The following KIAA1328 variants were observed in gnomAD, a reference collection of about 807,000 sequenced individuals.
The protein encoded by KIAA1328 is KIAA1328, also known as protein hinderin.
A neutral mutation model predicts 68.1 loss-of-function variants in KIAA1328; 52 were observed. The observed-to-expected ratio is 0.76, with a 90% CI of 0.61 to 0.96. The LOEUF is 0.96. Ranked by LOEUF, KIAA1328 falls within the 40% of genes least tolerant of loss-of-function variation. KIAA1328 has a pLI of 0.00. For missense variants in KIAA1328, 641 were observed against 677.6 expected (o/e 0.95, Z 0.60); for synonymous variants, 232 against 239.4 (o/e 0.97, Z 0.28).
chr18:37,164,308 A>G (rs904443473), intron 8 of KIAA1328, among the ~76,000 whole-genome samples: 4 of 152,180 alleles, frequency 2.6e-5, no homozygotes, highest in African/African-American at 9.7e-5. Flanking sequence ...GTTTCCCCAA[A>G]ATAAGGACCT....
intron 9 of KIAA1328, among the ~76,000 whole-genome samples, chr18:37,221,472 C>T (rs898383814): frequency 1.3e-5 from 2 of 152,124 alleles, no homozygotes; most frequent in Admixed American, 6.5e-5. Flanking sequence ...GTGAAGATTT[C>T]GACAGACAGC....
intron 9 of KIAA1328, among the ~76,000 whole-genome samples, chr18:37,186,901 T>C (rs180677988): frequency 2.3e-3 from 354 of 152,262 alleles, no homozygotes; most frequent in Non-Finnish European, 3.4e-3. Flanking sequence ...TGGCCAGGCA[T>C]GGTGGCTGAC....
intron 5 of KIAA1328, among the ~76,000 whole-genome samples, chr18:36,889,422 C>T (rs2048606308): frequency 6.6e-6 from 1 of 152,162 alleles, no homozygotes; most frequent in African/African-American, 2.4e-5. Flanking sequence ...GAACATATGA[C>T]TCAGATCAAT....
chr18:37,008,417 A>G (rs2053857256), intron 6 of KIAA1328, among the ~76,000 whole-genome samples: 2 of 152,210 alleles, frequency 1.3e-5, no homozygotes, highest in African/African-American at 2.4e-5. Flanking sequence ...CAACAACAAA[A>G]TATGCTCTAT....
intron 5 of KIAA1328, among the ~76,000 whole-genome samples, chr18:36,949,882 C>G (rs1655047693): frequency 6.6e-6 from 1 of 152,076 alleles, no homozygotes; most frequent in Non-Finnish European, 1.5e-5. Flanking sequence ...TGAAAAATAA[C>G]ATGTTCATAC....
intron 6 of KIAA1328, among the ~76,000 whole-genome samples, chr18:37,044,654 G>T (rs1028593620): frequency 2.0e-5 from 3 of 151,916 alleles, no homozygotes; most frequent in Non-Finnish European, 4.4e-5. Flanking sequence ...AAAAAAATTA[G>T]CTGGGCATGG....
At chr18:36,959,585 T>G (rs2051572212) in intron 6 of KIAA1328, 150 bp downstream of exon 6, 1 of 832,160 alleles carries the variant, frequency 1.2e-6, no homozygotes, top group African/African-American at 1.8e-5. Context: ...TGTCTTTCCC[T>G]CCCCCTTTCC....
chr18:37,004,148 T>C (rs1217548225), intron 6 of KIAA1328, among the ~76,000 whole-genome samples: 1 of 152,132 alleles, frequency 6.6e-6, no homozygotes, highest in Non-Finnish European at 1.5e-5. Flanking sequence ...TTGATGGGAA[T>C]TGCATTGAAT....
rs1361210516 is a variant in KIAA1328, at chr18:36,870,571, G to T, written c.333-14986G>T. Reference sequence around the variant, plus strand: ...AGATATGCTGCGTATGTTTGGGTGGGATTTATTTCTTTTTAACTTTTTATT... The same window carrying T: ...AGATATGCTGCGTATGTTTGGGTGGTATTTATTTCTTTTTAACTTTTTATT... On this transcript the variant is annotated intron_variant, in intron 4 of 9. Coordinates refer to ENST00000280020, the MANE Select transcript of KIAA1328 (RefSeq NM_020776.3). 4.6e-5 allele frequency among the ~76,000 whole-genome samples: 7 copies of T among 152,090 alleles called. No individual in the cohort carries two copies. The East Asian group carries it at 1.3e-3, about 29-fold the overall frequency.
At position 37,206,941 on chromosome 18, in the gene KIAA1328, A is replaced by T. The variant is rs2060227324; in HGVS notation, c.1524-15076A>T. On this transcript the variant is annotated intron_variant, in intron 9 of 9. Coordinates refer to ENST00000280020, the MANE Select transcript of KIAA1328 (RefSeq NM_020776.3). ...CATCTGACCTTTGAGTACAATGCTGAATTCTTTTCCAAGCTACATTTTTAG... is the reference window on the plus strand; with the variant it reads ...CATCTGACCTTTGAGTACAATGCTGTATTCTTTTCCAAGCTACATTTTTAG... 2.6e-5 allele frequency among the ~76,000 whole-genome samples: 4 copies of T among 152,174 alleles called. 1 individual carries two copies. In the South Asian group the frequency reaches 8.3e-4, roughly 32 times the overall value.
intron 5 of KIAA1328, among the ~76,000 whole-genome samples, chr18:36,893,445 GTGTGTGTGTGTGTGTGTTTT>G (rs2048759571): frequency 7.2e-6 from 1 of 138,438 alleles, no homozygotes; most frequent in Non-Finnish European, 1.6e-5. Flanking sequence ...TTGTGTGTGT[GTGTGTGTGTGTGTGTGTTTT>G]TGTGTGTGTG....
At chr18:36,845,154 G>T (rs1393646540) in intron 4 of KIAA1328, among the ~76,000 whole-genome samples, 1 of 151,628 alleles carries the variant, frequency 6.6e-6, no homozygotes, top group Admixed American at 6.6e-5. Flanking sequence ...GTGATGTTTT[G>T]GGAGCCAGAA....
Position 37,223,708 on chromosome 18 carries a change from A to T in KIAA1328, c.*1481A>T. 1 of 985,326 alleles carries T rather than the reference A, an allele frequency of 1.0e-6. No individual in the cohort carries two copies. The allele number at this position is 985,326 out of a possible 1,614,324, so 61.0% of individuals were successfully genotyped here. ...GAATTACTCTTTTAATTAAAACTAGATTATTTCAATCTAGAAAAGCCTTGT... is the reference window on the plus strand; with the variant it reads ...GAATTACTCTTTTAATTAAAACTAGTTTATTTCAATCTAGAAAAGCCTTGT... On this transcript the variant is annotated 3_prime_UTR_variant, in exon 10 of 10. Coordinates refer to ENST00000280020, the MANE Select transcript of KIAA1328 (RefSeq NM_020776.3).
chr18:37,002,299 C>A (rs997812883), intron 6 of KIAA1328, among the ~76,000 whole-genome samples: 1 of 133,100 alleles, frequency 7.5e-6, no homozygotes, highest in African/African-American at 2.9e-5. Flanking sequence ...GCCTCAAATT[C>A]CTGGGCTCAA....
chr18:37,048,388 C>T (rs2055560875), intron 6 of KIAA1328, among the ~76,000 whole-genome samples: 1 of 152,100 alleles, frequency 6.6e-6, no homozygotes, highest in Admixed American at 6.5e-5. Flanking sequence ...ATGTGAGAGT[C>T]ACTTACGTTA....
intron 7 of KIAA1328, among the ~76,000 whole-genome samples, chr18:37,104,058 C>T (rs1003675882): frequency 3.9e-5 from 6 of 152,086 alleles, no homozygotes; most frequent in South Asian, 2.1e-4. Context: ...AACTCCCATA[C>T]GCTGTTGGTG....
intron 7 of KIAA1328, among the ~76,000 whole-genome samples, chr18:37,083,856 C>G (rs891203747): frequency 1.3e-5 from 2 of 152,082 alleles, no homozygotes; most frequent in African/African-American, 4.8e-5. Flanking sequence ...TTAAAGTGCT[C>G]CTATTGAAGT....
At chr18:37,110,512 G>T (rs2057900681) in intron 7 of KIAA1328, among the ~76,000 whole-genome samples, 1 of 152,162 alleles carries the variant, frequency 6.6e-6, no homozygotes, top group Non-Finnish European at 1.5e-5. Context: ...AATTTTTGAT[G>T]CCATAAAAGG....
intron 8 of KIAA1328, among the ~76,000 whole-genome samples, chr18:37,164,772 G>A (rs895782204): frequency 3.3e-5 from 5 of 151,940 alleles, no homozygotes; most frequent in Admixed American, 2.6e-4. Context: ...ATAAAAAAGT[G>A]CTGCCTTAGG....
Sources: gnomAD v4.1 joint callset for allele counts (sites outside exome capture counted in the v4.1 genomes callset) on GRCh38, gnomAD v4.1.1 for gene constraint, MANE v1.5 for transcripts, NCBI Gene and HGNC (gene_info 2026-07-23, HGNC 2026-07-21) for gene names.